The following ADAMTS18 variants were observed in gnomAD, a reference collection of about 807,000 sequenced individuals.
ADAMTS18 encodes ADAM metallopeptidase with thrombospondin type 1 motif 18, also known as A disintegrin and metalloproteinase with thrombospondin motifs 18.
Under a neutral mutation model 165.9 loss-of-function variants are expected in ADAMTS18, and 157 were observed. The observed-to-expected ratio is 0.95, with a 90% CI of 0.83 to 1.08. The LOEUF (loss-of-function observed/expected upper bound fraction) is 1.08. Among genes scored for constraint, ADAMTS18 ranks in the 50% least tolerant of loss-of-function variants. ADAMTS18 has a pLI of 0.00. For missense variants in ADAMTS18, 2,040 were observed against 1,534.0 expected, an observed-to-expected ratio of 1.33 and a Z score of -5.51; for synonymous variants, 782 against 578.2, an observed-to-expected ratio of 1.35 and a Z score of -5.06.
At chr16:77,329,100 C>G (rs1177415237) in intron 12 of ADAMTS18, among the ~76,000 whole-genome samples, 4 of 151,358 alleles carry the variant, frequency 2.6e-5, no homozygotes, top group African/African-American at 7.3e-5. Context: ...GAGGGAGATT[C>G]TCTCTTTTTT....
chr16:77,408,413 C>A (rs943297057), intron 3 of ADAMTS18, among the ~76,000 whole-genome samples: 3 of 151,922 alleles, frequency 2.0e-5, no homozygotes, highest in Admixed American at 1.3e-4. Flanking sequence ...ATAGTCACAA[C>A]AGCATTATTT....
At chr16:77,427,409 G>A (rs1419167758) in intron 3 of ADAMTS18, among the ~76,000 whole-genome samples, 2 of 152,208 alleles carry the variant, frequency 1.3e-5, no homozygotes, top group East Asian at 1.9e-4. Context: ...AAGATGAAGA[G>A]TCTCCACCAA....
At position 77,430,173 on chromosome 16, in the gene ADAMTS18, CAAAA is replaced by C. The variant is rs1555529677; in HGVS notation, c.495+1118_495+1121del. On this transcript the variant is annotated intron_variant, in intron 3 of 22. Transcript: ENST00000282849. Reference sequence around the variant, plus strand: ...CAAAACAAACAAACAAACAAACAAACAAAAAAACAAGATATAGTCATGTGTGCAC... The same window carrying C: ...CAAAACAAACAAACAAACAAACAAACAAACAAGATATAGTCATGTGTGCAC... 6.8e-3 allele frequency among the ~76,000 whole-genome samples: 1,032 copies of C among 151,708 alleles called. 7 individuals are homozygous for C. The highest frequency in any genetic ancestry group is 0.012 in the Admixed American group (184 of 15,246).
intron 3 of ADAMTS18, among the ~76,000 whole-genome samples, chr16:77,410,087 A>G (rs1157169492): frequency 1.3e-5 from 2 of 152,126 alleles, no homozygotes; most frequent in South Asian, 4.1e-4. Context: ...AAGAATTACC[A>G]CACACACCCA....
intron 3 of ADAMTS18, among the ~76,000 whole-genome samples, chr16:77,402,325 C>G (rs981820608): frequency 6.6e-6 from 1 of 152,182 alleles, no homozygotes; most frequent in Admixed American, 6.5e-5. Flanking sequence ...GATGTCCAGT[C>G]CCTCCACCTC....
chr16:77,411,506 G>A (rs1420100563), intron 3 of ADAMTS18, among the ~76,000 whole-genome samples: 1 of 151,982 alleles, frequency 6.6e-6, no homozygotes, highest in Non-Finnish European at 1.5e-5. Context: ...CATGACACTA[G>A]CCATCTAGTA....
At chr16:77,424,880 C>T (rs78868769) in intron 3 of ADAMTS18, among the ~76,000 whole-genome samples, 7,598 of 152,240 alleles carry the variant, frequency 0.05, 257 homozygotes, top group Middle Eastern at 0.12. Context: ...CAACAAACCC[C>T]TACTAGCTAA....
intron 15 of ADAMTS18, among the ~76,000 whole-genome samples, chr16:77,320,522 C>G (rs1319829173): frequency 6.6e-6 from 1 of 151,890 alleles, no homozygotes; most frequent in Non-Finnish European, 1.5e-5. Flanking sequence ...GCCTGTAATC[C>G]CAGCTACTCA....
chr16:77,391,405 C>T (rs574953335), intron 3 of ADAMTS18, among the ~76,000 whole-genome samples: 2 of 151,722 alleles, frequency 1.3e-5, no homozygotes, highest in African/African-American at 4.8e-5. Flanking sequence ...GCAGAAGAAT[C>T]GCTTGAACCT....
intron 10 of ADAMTS18, among the ~76,000 whole-genome samples, chr16:77,345,126 C>T (rs1024847382): frequency 2.0e-5 from 3 of 152,232 alleles, no homozygotes; most frequent in Middle Eastern, 3.4e-3. Flanking sequence ...TTATTCTGTC[C>T]TGTCACTTGC....
At chr16:77,428,810 C>A (rs1427266778) in intron 3 of ADAMTS18, among the ~76,000 whole-genome samples, 2 of 152,090 alleles carry the variant, frequency 1.3e-5, no homozygotes, top group East Asian at 3.9e-4. Context: ...AAAATCCTCC[C>A]CAAATTGAAA....
Position 77,341,714 on chromosome 16 carries a change from C to A in ADAMTS18, c.1700G>T (p.Gly567Val). 6.2e-7 allele frequency: 1 copy of A among 1,613,402 alleles called. No individual in the cohort carries two copies. The highest frequency in any genetic ancestry group is 8.5e-7 in the Non-Finnish European group (1 of 1,179,672). The change falls in exon 11 of 23, where the codon GGC (glycine) becomes GTC (valine). Residue 567 changes from glycine (G) to valine (V), a missense_variant. By Grantham distance (109) the Gly-to-Val change is moderately radical. Coordinates refer to ENST00000282849, the MANE Select transcript of ADAMTS18 (RefSeq NM_199355.4). ...FMPAAEGTVC[G>V]LSMWCRQGQC... ...AAGTATGCAGTTTACCATACTCAAG[C>A]CACAAACGGTCCCTTCTGCTGCGGG...
intron 7 of ADAMTS18, among the ~76,000 whole-genome samples, chr16:77,360,555 T>C (rs2056697612): frequency 6.9e-6 from 1 of 144,674 alleles, no homozygotes. Flanking sequence ...CAGATAACAC[T>C]GTCTGCTTCT....
At chr16:77,292,535 T>C (rs891366448) in intron 20 of ADAMTS18, among the ~76,000 whole-genome samples, 1 of 152,066 alleles carries the variant, frequency 6.6e-6, no homozygotes, top group Admixed American at 6.6e-5. Context: ...CTGACAAGGG[T>C]TCTTCCCAAA....
At chr16:77,371,461 C>T (rs571621103) in intron 3 of ADAMTS18, among the ~76,000 whole-genome samples, 9 of 151,956 alleles carry the variant, frequency 5.9e-5, no homozygotes, top group Non-Finnish European at 8.8e-5. Context: ...CAGAAGAGAA[C>T]CCTGAAATAA....
chr16:77,405,241 G>A (rs911409010), intron 3 of ADAMTS18, among the ~76,000 whole-genome samples: 2 of 152,140 alleles, frequency 1.3e-5, no homozygotes, highest in Non-Finnish European at 1.5e-5. Flanking sequence ...ATGGTCAACT[G>A]CATTCAAAAT....
chr16:77,368,188 G>GA (rs1213448890), intron 3 of ADAMTS18, among the ~76,000 whole-genome samples: 1 of 152,128 alleles, frequency 6.6e-6, no homozygotes, highest in Non-Finnish European at 1.5e-5. Flanking sequence ...TTACAAAGGA[G>GA]AAAATTGAAG....
intron 22 of ADAMTS18, among the ~76,000 whole-genome samples, chr16:77,286,747 T>G (rs1159468283): frequency 6.6e-6 from 1 of 152,058 alleles, no homozygotes; most frequent in Non-Finnish European, 1.5e-5. Flanking sequence ...ATCCTTAACT[T>G]AATATGACTA....
At chr16:77,316,900 C>T (rs1340110369) in intron 16 of ADAMTS18, among the ~76,000 whole-genome samples, 2 of 152,264 alleles carry the variant, frequency 1.3e-5, no homozygotes, top group African/African-American at 4.8e-5. Context: ...CTCCTGGTCT[C>T]AAGCAATCCA....
Sources: gnomAD v4.1 joint callset for allele counts (sites outside exome capture counted in the v4.1 genomes callset) on GRCh38, gnomAD v4.1.1 for gene constraint, MANE v1.5 for transcripts, NCBI Gene and HGNC (gene_info 2026-07-23, HGNC 2026-07-21) for gene names.